Variants in NSA2 observed in about 807,000 individuals in gnomAD.
The protein encoded by NSA2 is NSA2 ribosome biogenesis factor.
Under a neutral mutation model 34.8 loss-of-function variants are expected in NSA2, and 18 were observed. The ratio of observed to expected loss-of-function variants is 0.52; its 90% CI spans 0.36 to 0.77. The LOEUF is 0.77. Among genes scored for constraint, NSA2 ranks in the 30% least tolerant of loss-of-function variants. The probability of loss-of-function intolerance (pLI) is 0.00; values close to 1 mark genes in which losing one functional copy is unlikely to be tolerated. For missense variants in NSA2, 188 were observed against 314.7 expected (o/e 0.60, Z 3.05); for synonymous variants, 79 against 100.2 (o/e 0.79, Z 1.26).
intron 3 of NSA2, among the ~76,000 whole-genome samples, chr5:74,770,176 C>G (rs760488872): frequency 1.3e-4 from 19 of 151,996 alleles, no homozygotes; most frequent in Non-Finnish European, 2.4e-4. Context: ...ACTAAAAATA[C>G]AAAAATTAGC....
At chr5:74,773,538 C>G (rs143617842) in intron 4 of NSA2, among the ~76,000 whole-genome samples, 1 of 151,688 alleles carries the variant, frequency 6.6e-6, no homozygotes, top group East Asian at 1.9e-4. Context: ...TACTCAGGAG[C>G]CTGAGGTGGG....
Position 74,776,825 on chromosome 5 carries a change from GTCTT to G in NSA2, c.*156_*159del, listed in dbSNP as rs1745147207. ...TTAAAGTGGTCCAGTTTTATAAATG[GTCTT>G]TATTTTGAAATACGCTTTGACCCCA... On this transcript the variant is annotated 3_prime_UTR_variant, in exon 6 of 6. Coordinates refer to ENST00000610426, the MANE Select transcript of NSA2 (RefSeq NM_014886.6). 2 of 488,254 alleles carry G rather than the reference GTCTT, an allele frequency of 4.1e-6. No individual in the cohort carries two copies. Among genetic ancestry groups the G allele is most frequent in the East Asian group, 6.6e-5 (2 of 30,360 alleles). The allele number at this position is 488,254 out of a possible 1,614,324, so 30.2% of individuals were successfully genotyped here. A position where few individuals can be genotyped will look rare whatever the true frequency, so the allele number is the denominator to read the frequency against.
At chr5:74,774,105 A>G in intron 5 of NSA2, 45 bp downstream of exon 5, 2 of 1,331,398 alleles carry the variant, frequency 1.5e-6, no homozygotes, top group East Asian at 4.6e-5. Context: ...CTGCAGTACT[A>G]ATAGAAATAC....
At chr5:74,776,529 A>AGTT (rs1745130795) in intron 5 of NSA2, 75 bp from the exon 6 acceptor site, 3 of 803,840 alleles carry the variant, frequency 3.7e-6, no homozygotes, top group Non-Finnish European at 6.5e-6. Context: ...AAAAGGCAAA[A>AGTT]GTTATATTCT....
intron 5 of NSA2, among the ~76,000 whole-genome samples, chr5:74,774,966 A>C (rs181309301): frequency 3.3e-5 from 5 of 152,342 alleles, no homozygotes; most frequent in Admixed American, 2.6e-4. Context: ...CTGTAATCCC[A>C]GCACTTTGGG....
chr5:74,767,831 G>A (rs1389262973), intron 1 of NSA2, among the ~76,000 whole-genome samples: 2 of 152,160 alleles, frequency 1.3e-5, no homozygotes, highest in Admixed American at 6.5e-5. Flanking sequence ...TAACTGCCAG[G>A]TCCTTTCTCT....
Position 74,778,016 on chromosome 5 carries a change from C to T in NSA2, c.*1345C>T, listed in dbSNP as rs1745208016. ...ATTAGATTTTAGCAGATAATTTTAC[C>T]ACTAATATAAATGGGTGATGTGTGG... On this transcript the variant is annotated 3_prime_UTR_variant, in exon 6 of 6. Coordinates refer to ENST00000610426, the MANE Select transcript of NSA2 (RefSeq NM_014886.6). The T allele has an allele frequency of 6.6e-6, 1 of 151,924 alleles. No individual in the cohort carries two copies. 9.4% of individuals were successfully genotyped at this position (151,924 alleles called of 1,614,324 possible).
At chr5:74,769,595 G>T in intron 3 of NSA2, 1 of 362,358 alleles carries the variant, frequency 2.8e-6, no homozygotes. Context: ...TTAAAAAGCT[G>T]GTAAGGAGTG....
chr5:74,770,046 A>G (rs955866144), intron 3 of NSA2, among the ~76,000 whole-genome samples: 1 of 152,172 alleles, frequency 6.6e-6, no homozygotes, highest in Non-Finnish European at 1.5e-5. Flanking sequence ...AGAAGTCACT[A>G]TCGGCTGGGC....
At chr5:74,769,169 C>T (rs1286701468) in intron 2 of NSA2, 45 bp from the exon 3 acceptor site, 1 of 1,591,704 alleles carries the variant, frequency 6.3e-7, no homozygotes, top group Admixed American at 1.8e-5. Flanking sequence ...TTTGAGTAAT[C>T]ATTATTAAAA....
intron 1 of NSA2, 23 bp from the exon 2 acceptor site, chr5:74,768,905 AAAT>A: frequency 6.7e-7 from 1 of 1,489,122 alleles, no homozygotes; most frequent in Non-Finnish European, 9.0e-7. Context: ...TAAAAAATTA[AAAT>A]AATATTTCTT....
chr5:74,771,402 T>C (rs1023970077), intron 4 of NSA2: 1 of 152,214 alleles, frequency 6.6e-6, no homozygotes, highest in African/African-American at 2.4e-5. Flanking sequence ...CACAGTCATA[T>C]TTTCCTCATT....
rs375199020 is a variant in NSA2, at chr5:74,770,799, A to G, written c.511A>G (p.Ile171Val). The G allele has an allele frequency of 3.1e-6, 5 of 1,607,638 alleles. No individual in the cohort carries two copies. In the East Asian group the frequency reaches 1.1e-4, roughly 36 times the overall value. The part of the protein sequence containing the change: ...TRKPPKYERF[I>V]RPMGLRFKKA... ...AAAACCACCTAAATATGAAAGATTCATCAGGCCAATGGTAAGTCCTTGGAA... is the reference window on the plus strand; with the variant it reads ...AAAACCACCTAAATATGAAAGATTCGTCAGGCCAATGGTAAGTCCTTGGAA... The change falls in exon 4 of 6, where the codon ATC becomes GTC. Residue 171 changes from isoleucine to valine, a missense_variant. By Grantham distance (29) the Ile-to-Val change is conservative. Coordinates refer to ENST00000610426, the MANE Select transcript of NSA2 (RefSeq NM_014886.6).
intron 4 of NSA2, among the ~76,000 whole-genome samples, chr5:74,773,506 GGT>G (rs1490255580): frequency 6.6e-6 from 1 of 151,628 alleles, no homozygotes; most frequent in Non-Finnish European, 1.5e-5. Context: ...TAGGCATGGT[GGT>G]GCGTGCCTGT....
intron 5 of NSA2, among the ~76,000 whole-genome samples, chr5:74,775,539 C>A (rs1016668978): frequency 6.7e-6 from 1 of 149,832 alleles, no homozygotes; most frequent in Non-Finnish European, 1.5e-5. Context: ...ATCACATGAA[C>A]CTGGAGCTTG....
intron 2 of NSA2, 37 bp downstream of exon 2, chr5:74,769,155 A>G (rs1224698186): frequency 1.3e-6 from 2 of 1,593,668 alleles, no homozygotes; most frequent in Non-Finnish European, 1.7e-6. Context: ...ACAAGTTAAC[A>G]TCTTTTGAGT....
chr5:74,772,069 G>GT (rs1274261295), intron 4 of NSA2, among the ~76,000 whole-genome samples: 2 of 151,168 alleles, frequency 1.3e-5, no homozygotes, highest in Admixed American at 6.6e-5. Context: ...AAAAAACAAA[G>GT]TATCAGAGAG....
Position 74,779,069 on chromosome 5 carries a change from C to CAG in NSA2, c.*2404_*2405dup, listed in dbSNP as rs1745274530. On this transcript the variant is annotated 3_prime_UTR_variant, in exon 6 of 6. Transcript: ENST00000610426. ...TAAACCCCAAAATAACAATTTCTGT[C>CAG]AGAGAGAATCTGTAACAGAAGTGTT... 1 of 152,116 alleles carries CAG rather than the reference C, an allele frequency of 6.6e-6. No homozygotes were observed. Among genetic ancestry groups the CAG allele is most frequent in the African/African-American group, 2.4e-5 (1 of 41,446 alleles). 9.4% of individuals were successfully genotyped at this position (152,116 alleles called of 1,614,324 possible).
intron 4 of NSA2, among the ~76,000 whole-genome samples, chr5:74,773,214 T>TAACAAC (rs1745001850): frequency 2.0e-5 from 3 of 152,112 alleles, no homozygotes; most frequent in Non-Finnish European, 4.4e-5. Context: ...TTATTGTGTT[T>TAACAAC]AAGTGAGCCA....
Sources: allele counts gnomAD v4.1 joint callset (sites outside exome capture counted in the v4.1 genomes callset), GRCh38; gene constraint gnomAD v4.1.1; transcripts MANE v1.5; gene names NCBI Gene and HGNC (gene_info 2026-07-23, HGNC 2026-07-21).